The following PCDHA5 variants were observed in gnomAD, a reference collection of about 807,000 sequenced individuals.
PCDHA5 encodes the protein protocadherin alpha 5.
PCDHA5 carries 43 observed loss-of-function variants against 61.6 expected under a neutral mutation model. The observed-to-expected ratio is 0.70, with a 90% CI of 0.55 to 0.90. The LOEUF is 0.90. PCDHA5 is among the 40% of genes least tolerant of loss of function. The probability of loss-of-function intolerance (pLI) is 0.00; values close to 1 mark genes in which losing one functional copy is unlikely to be tolerated. For missense variants in PCDHA5, 1,298 were observed against 1,222.7 expected, an observed-to-expected ratio of 1.06 and a Z score of -0.92; for synonymous variants, 627 against 543.9, an observed-to-expected ratio of 1.15 and a Z score of -2.13.
chr5:140,890,585 A>G (rs1158719431), intron 1 of PCDHA5, among the ~76,000 whole-genome samples: 1 of 152,086 alleles, frequency 6.6e-6, no homozygotes, highest in Admixed American at 6.5e-5. Context: ...TATTATTTGG[A>G]AGCCCTTTTC....
intron 1 of PCDHA5, chr5:140,835,447 T>C (rs2150235866): frequency 2.5e-6 from 4 of 1,613,910 alleles, no homozygotes; most frequent in East Asian, 2.2e-5. Context: ...CTCACTTCCC[T>C]GTCTCTCCCT....
At chr5:140,896,318 C>T (rs1036368074) in intron 1 of PCDHA5, among the ~76,000 whole-genome samples, 8 of 152,150 alleles carry the variant, frequency 5.3e-5, no homozygotes, top group African/African-American at 1.9e-4. Flanking sequence ...AACTGCTTTC[C>T]ACAGTGGCTA....
At position 140,926,980 on chromosome 5, in the gene PCDHA5, A is replaced by T. The variant is rs781916280; in HGVS notation, c.2353-51969A>T. ...GCTCGAGTACTCAGTGCCGGAGGAG[A>T]CGGAGCGGGGCGTAGCCGTAGGCAA... On this transcript the variant is annotated intron_variant, in intron 1 of 3. Transcript: ENST00000529859. The T allele has an allele frequency of 1.9e-6, 3 of 1,610,246 alleles. No individual in the cohort carries two copies. The Admixed American group carries it at 5.0e-5, about 27-fold the overall frequency.
Position 140,843,034 on chromosome 5 carries a change from T to C in PCDHA5, c.2352+18907T>C, listed in dbSNP as rs2150350687. 5.0e-6 allele frequency: 8 copies of C among 1,594,860 alleles called. 1 individual carries two copies. The African/African-American group carries it at 1.1e-4, about 21-fold the overall frequency. The stretch of plus-strand genomic sequence containing the variant: ...CGGCACTGCTGGAGCCTCGGGTGGG[T>C]GGCACTGGTGGCGCAGCGAGCAAGC... On this transcript the variant is annotated intron_variant, in intron 1 of 3. Transcript: ENST00000529859.
At chr5:140,998,008 T>C (rs1447849810) in intron 3 of PCDHA5, among the ~76,000 whole-genome samples, 6 of 152,128 alleles carry the variant, frequency 3.9e-5, no homozygotes, top group East Asian at 1.9e-4. Flanking sequence ...GAGCCTTCCA[T>C]CCCCACCTCG....
Position 140,926,923 on chromosome 5 carries a change from T to C in PCDHA5, c.2353-52026T>C, listed in dbSNP as rs532425369. On this transcript the variant is annotated intron_variant, in intron 1 of 3. Transcript: ENST00000529859. ...GGGCTGTGGGGTGGCAGTTTTATGT[T>C]TGTGGGTTTCCTGCGGCGCTGCAGC... 35 of 1,571,554 alleles carry C rather than the reference T, an allele frequency of 2.2e-5. No homozygotes were observed. The East Asian group carries it at 6.5e-4, about 29-fold the overall frequency.
At chr5:140,861,384 C>A in intron 1 of PCDHA5, 1 of 437,328 alleles carries the variant, frequency 2.3e-6, no homozygotes, top group Non-Finnish European at 4.7e-6. Flanking sequence ...TGCGCAGGAC[C>A]TGGGTCTGGA....
intron 1 of PCDHA5, chr5:140,877,279 T>G (rs782432213): frequency 1.2e-6 from 2 of 1,613,820 alleles, no homozygotes; most frequent in Non-Finnish European, 1.7e-6. Flanking sequence ...TGACTCCGGC[T>G]ATAACGCTTG....
chr5:140,993,562 C>G (rs1233872464), intron 3 of PCDHA5, among the ~76,000 whole-genome samples: 3 of 150,520 alleles, frequency 2.0e-5, no homozygotes, highest in Non-Finnish European at 4.4e-5. Flanking sequence ...TATATAGTAT[C>G]CTTTCTAGGG....
At chr5:140,926,519 C>T (rs2083298131) in intron 1 of PCDHA5, 1 of 204,364 alleles carries the variant, frequency 4.9e-6, no homozygotes, top group Non-Finnish European at 9.7e-6. Flanking sequence ...AGGCTCCGCC[C>T]TGCGCCCGCA....
At chr5:141,001,975 G>T (rs900969211) in intron 3 of PCDHA5, among the ~76,000 whole-genome samples, 2 of 152,302 alleles carry the variant, frequency 1.3e-5, no homozygotes, top group Non-Finnish European at 2.9e-5. Flanking sequence ...GTCTCTGCGC[G>T]GAAAGCCTGG....
At chr5:140,825,975 G>A (rs1262367977) in intron 1 of PCDHA5, 2 of 152,286 alleles carry the variant, frequency 1.3e-5, no homozygotes, top group Admixed American at 6.5e-5. Context: ...GAGGGGAAAA[G>A]TATGGATTTA....
intron 1 of PCDHA5, among the ~76,000 whole-genome samples, chr5:140,925,082 AAAGGAAGG>A (rs138596875): frequency 4.1e-5 from 6 of 147,388 alleles, no homozygotes; most frequent in Admixed American, 1.3e-4. Flanking sequence ...GCTCATCTGG[AAAGGAAGG>A]AAGGAAGGAA....
intron 1 of PCDHA5, among the ~76,000 whole-genome samples, chr5:140,953,720 G>C (rs2094928996): frequency 6.6e-6 from 1 of 152,068 alleles, no homozygotes; most frequent in African/African-American, 2.4e-5. Flanking sequence ...CAGACATTGT[G>C]TTTTGAAATT....
In PCDHA5 at chr5:140,982,489, A is replaced by G. The variant is rs782634646; in HGVS notation, c.2426A>G (p.Glu809Gly). The change falls in exon 3 of 4, where the codon GAG (glutamate) becomes GGG (glycine). Residue 809 changes from glutamate to glycine, a missense_variant. By Grantham distance (98) the Glu-to-Gly change is moderately conservative. Transcript: ENST00000529859. ...RAGMHSSVHL[E>G]EAGILRAGPG... ...TGTTTATTCAGCTCTGTGCACCTAG[A>G]GGAGGCTGGCATTCTACGGGCTGGT... 3 of 1,614,066 alleles carry G rather than the reference A, an allele frequency of 1.9e-6. No individual in the cohort carries two copies. The African/African-American group carries it at 4.0e-5, about 22-fold the overall frequency.
chr5:140,879,740 T>G (rs1337276853), intron 1 of PCDHA5, among the ~76,000 whole-genome samples: 1 of 152,200 alleles, frequency 6.6e-6, no homozygotes, highest in East Asian at 1.9e-4. Flanking sequence ...ATCAAGGTGT[T>G]GTCAAGGCTA....
At chr5:140,933,458 C>G (rs1040429377) in intron 1 of PCDHA5, among the ~76,000 whole-genome samples, 2 of 151,968 alleles carry the variant, frequency 1.3e-5, no homozygotes, top group Non-Finnish European at 2.9e-5. Flanking sequence ...TCAAAATATA[C>G]TCTGAATTCA....
intron 1 of PCDHA5, among the ~76,000 whole-genome samples, chr5:140,888,673 A>G (rs571585641): frequency 6.6e-6 from 1 of 152,180 alleles, no homozygotes; most frequent in Non-Finnish European, 1.5e-5. Context: ...TGCCCTGTGC[A>G]TTAAGAGGTC....
chr5:140,964,631 T>C (rs1415762552), intron 1 of PCDHA5, among the ~76,000 whole-genome samples: 1 of 152,074 alleles, frequency 6.6e-6, no homozygotes, highest in African/African-American at 2.4e-5. Flanking sequence ...ATAAGCCATT[T>C]ATTTTCAGAA....
Sources: gnomAD v4.1 joint callset for allele counts (sites outside exome capture counted in the v4.1 genomes callset) on GRCh38, gnomAD v4.1.1 for gene constraint, MANE v1.5 for transcripts, NCBI Gene and HGNC (gene_info 2026-07-23, HGNC 2026-07-21) for gene names.